Variants in SCAI observed in about 807,000 individuals in gnomAD.
SCAI encodes suppressor of cancer cell invasion.
A neutral mutation model predicts 92.2 loss-of-function variants in SCAI; 24 were observed. The observed-to-expected ratio is 0.26, with a 90% CI of 0.19 to 0.37. SCAI has a LOEUF of 0.37. Among genes scored for constraint, SCAI ranks in the 10% least tolerant of loss-of-function variants. The probability of loss-of-function intolerance (pLI) is 1.00; values close to 1 mark genes in which losing one functional copy is unlikely to be tolerated. For synonymous variants in SCAI, 261 were observed against 258.6 expected (o/e 1.01, Z -0.09); for missense variants, 450 against 736.2 (o/e 0.61, Z 4.50).
At chr9:125,136,694 C>T (rs538690059) in intron 2 of SCAI, among the ~76,000 whole-genome samples, 2 of 151,406 alleles carry the variant, frequency 1.3e-5, no homozygotes, top group East Asian at 1.9e-4. Flanking sequence ...CTCCTGACCT[C>T]GTGATCTGCC....
intron 2 of SCAI, among the ~76,000 whole-genome samples, chr9:125,096,855 T>C (rs1451869592): frequency 1.3e-5 from 2 of 152,252 alleles, no homozygotes; most frequent in Admixed American, 1.3e-4. Flanking sequence ...ATATAAACTA[T>C]GCAACTGGCC....
chr9:124,959,428 T>C (rs1831389800), intron 17 of SCAI, among the ~76,000 whole-genome samples: 1 of 149,890 alleles, frequency 6.7e-6, no homozygotes, highest in African/African-American at 2.4e-5. Flanking sequence ...AATGTAACTA[T>C]GGTACAACCA....
Position 125,064,045 on chromosome 9 carries a change from G to A in SCAI, c.99-8038C>T, listed in dbSNP as rs1023131533. On this transcript the variant is annotated intron_variant, in intron 2 of 17. Coordinates refer to ENST00000336505, the MANE Select transcript of SCAI (RefSeq NM_001144877.3). The stretch of plus-strand genomic sequence containing the variant: ...TGGGATTACAGGCGTGAGCCACCGC[G>A]CCCAGCCAATTCAATATATTTCTAA... Among the ~76,000 whole-genome samples, 76 of 151,970 alleles carry A rather than the reference G, an allele frequency of 5.0e-4. 1 individual carries two copies. Among genetic ancestry groups the A allele is most frequent in the Middle Eastern group, 3.4e-3 (1 of 294 alleles).
chr9:125,061,993 GA>G (rs1226119541), intron 2 of SCAI, among the ~76,000 whole-genome samples: 2 of 152,016 alleles, frequency 1.3e-5, no homozygotes, highest in Non-Finnish European at 2.9e-5. Flanking sequence ...CAGAAGAATG[GA>G]AAAAATGTTA....
rs535919285 is a variant in SCAI at position 125,046,314 on chromosome 9, T to C, written c.230+9562A>G. ...CCTTTTATGGCCTATCTCATATATA[T>C]ATACACACACACACACACATATATA... is the stretch of plus-strand genomic sequence containing the variant. On this transcript the variant is annotated intron_variant, in intron 3 of 17. Transcript: ENST00000336505. Among the ~76,000 whole-genome samples, 77 of 13,282 alleles carry C rather than the reference T, an allele frequency of 5.8e-3. 1 individual carries two copies. The East Asian group carries it at 0.21, about 36-fold the overall frequency. The allele number at this position is 13,282 out of a possible 152,430, so 8.7% of individuals were successfully genotyped here. A position where few individuals can be genotyped will look rare whatever the true frequency, so the allele number is the denominator to read the frequency against.
intron 2 of SCAI, among the ~76,000 whole-genome samples, chr9:125,085,249 G>A (rs151084995): frequency 6.6e-6 from 1 of 151,314 alleles, no homozygotes; most frequent in Non-Finnish European, 1.5e-5. Flanking sequence ...CGCTTCGGGA[G>A]GTTGAGGTGG....
intron 3 of SCAI, among the ~76,000 whole-genome samples, chr9:125,043,308 C>CT (rs1331216395): frequency 1.3e-5 from 2 of 152,164 alleles, no homozygotes; most frequent in African/African-American, 4.8e-5. Flanking sequence ...ACACAGAGGA[C>CT]TATATTACTG....
intron 14 of SCAI, among the ~76,000 whole-genome samples, chr9:124,982,350 A>G (rs961193094): frequency 1.3e-5 from 2 of 152,112 alleles, no homozygotes; most frequent in Non-Finnish European, 2.9e-5. Context: ...TCATTGCCCT[A>G]AATTGTATAT....
At chr9:124,971,548 A>G (rs1831658110) in intron 16 of SCAI, 78 bp from the exon 17 acceptor site, 1 of 1,411,230 alleles carries the variant, frequency 7.1e-7, no homozygotes, top group Non-Finnish European at 9.8e-7. Flanking sequence ...AACTTCAGGA[A>G]AGCGTTCTCA....
intron 2 of SCAI, among the ~76,000 whole-genome samples, chr9:125,132,819 G>T (rs538348460): frequency 4.9e-4 from 74 of 152,124 alleles, no homozygotes; most frequent in African/African-American, 1.7e-3. Context: ...ATACAAATTA[G>T]CCAGGCATGG....
intron 2 of SCAI, among the ~76,000 whole-genome samples, chr9:125,115,181 G>A (rs1423162394): frequency 2.0e-5 from 3 of 151,808 alleles, no homozygotes; most frequent in Non-Finnish European, 4.4e-5. Context: ...GACCATCCTG[G>A]CTAACACGAT....
intron 17 of SCAI, among the ~76,000 whole-genome samples, chr9:124,962,366 G>C (rs1471596515): frequency 6.6e-6 from 1 of 151,966 alleles, no homozygotes; most frequent in South Asian, 2.1e-4. Context: ...TCACCATATT[G>C]GTCAGGCTGG....
At position 125,078,645 on chromosome 9, in the gene SCAI, G is replaced by A. The variant is rs1834145283; in HGVS notation, c.99-22638C>T. Among the ~76,000 whole-genome samples the A allele has an allele frequency of 2.0e-5, 3 of 152,096 alleles. No individual in the cohort carries two copies. The South Asian group carries it at 6.2e-4, about 32-fold the overall frequency. On this transcript the variant is annotated intron_variant, in intron 2 of 17. Coordinates refer to ENST00000336505, the MANE Select transcript of SCAI (RefSeq NM_001144877.3). ...GCTTCCCACTGTTAGGCTGGCCACA[G>A]TGGCTCACACTTATAATCCCAGCGC...
intron 2 of SCAI, among the ~76,000 whole-genome samples, chr9:125,101,094 T>G (rs1834668677): frequency 6.6e-6 from 1 of 152,026 alleles, no homozygotes; most frequent in African/African-American, 2.4e-5. Flanking sequence ...CAACTGAGAC[T>G]GAAGTGGAAC....
intron 2 of SCAI, among the ~76,000 whole-genome samples, chr9:125,131,103 A>AT (rs1266182111): frequency 6.6e-6 from 1 of 151,610 alleles, no homozygotes; most frequent in Non-Finnish European, 1.5e-5. Flanking sequence ...ACAAACAGAT[A>AT]TTTTTTTAAA....
At chr9:125,021,801 C>T (rs1257330151) in intron 6 of SCAI, among the ~76,000 whole-genome samples, 1 of 152,018 alleles carries the variant, frequency 6.6e-6, no homozygotes, top group East Asian at 1.9e-4. Flanking sequence ...GAGATGGAGT[C>T]TTGTTATGTT....
chr9:125,118,457 CA>C (rs1672072476), intron 2 of SCAI, among the ~76,000 whole-genome samples: 2 of 152,088 alleles, frequency 1.3e-5, no homozygotes, highest in South Asian at 4.1e-4. Context: ...TTTAGGACTA[CA>C]GTGAGCTATG....
At chr9:125,110,979 T>C (rs926514175) in intron 2 of SCAI, among the ~76,000 whole-genome samples, 4 of 152,154 alleles carry the variant, frequency 2.6e-5, no homozygotes, top group African/African-American at 7.2e-5. Context: ...ACCAGTATTA[T>C]GCAAACTTTT....
At chr9:124,983,936 G>T (rs1831937693) in intron 14 of SCAI, among the ~76,000 whole-genome samples, 1 of 152,164 alleles carries the variant, frequency 6.6e-6, no homozygotes, top group South Asian at 2.1e-4. Context: ...TGTTGTGCAG[G>T]AATTAAACGT....
Sources: gnomAD v4.1 joint callset for allele counts (sites outside exome capture counted in the v4.1 genomes callset) on GRCh38, gnomAD v4.1.1 for gene constraint, MANE v1.5 for transcripts, NCBI Gene and HGNC (gene_info 2026-07-23, HGNC 2026-07-21) for gene names.